The following ATP13A3 variants were observed in gnomAD, a reference collection of about 807,000 sequenced individuals.
ATP13A3 encodes polyamine-transporting ATPase 13A3.
Under a neutral mutation model 158.1 loss-of-function variants are expected in ATP13A3, and 59 were observed. That is an observed-to-expected ratio of 0.37 (90% confidence interval 0.30 to 0.46). ATP13A3 has a LOEUF of 0.46. Ranked by LOEUF, ATP13A3 falls within the 20% of genes least tolerant of loss-of-function variation. ATP13A3 has a pLI of 1.00. For missense variants in ATP13A3, 1,166 were observed against 1,525.2 expected, an observed-to-expected ratio of 0.76 and a Z score of 3.92; for synonymous variants, 491 against 504.3, an observed-to-expected ratio of 0.97 and a Z score of 0.35.
At chr3:194,468,519 G>A (rs1433135404) in intron 2 of ATP13A3, among the ~76,000 whole-genome samples, 1 of 151,718 alleles carries the variant, frequency 6.6e-6, no homozygotes, top group Non-Finnish European at 1.5e-5. Flanking sequence ...AACAATTAAA[G>A]TATACTATTT....
At chr3:194,478,617 G>C (rs1259217514) in intron 2 of ATP13A3, among the ~76,000 whole-genome samples, 1 of 152,148 alleles carries the variant, frequency 6.6e-6, no homozygotes, top group Non-Finnish European at 1.5e-5. Flanking sequence ...GGTTTAGAAG[G>C]ATAGGACAGG....
At chr3:194,450,366 C>G in intron 10 of ATP13A3, 90 bp from the exon 11 acceptor site, 1 of 1,264,954 alleles carries the variant, frequency 7.9e-7, no homozygotes, top group Non-Finnish European at 1.1e-6. Context: ...CATCTGATCT[C>G]AATAAGAAGT....
At chr3:194,421,819 C>T (rs993527668) in intron 30 of ATP13A3, among the ~76,000 whole-genome samples, 3 of 151,484 alleles carry the variant, frequency 2.0e-5, no homozygotes, top group Non-Finnish European at 2.9e-5. Flanking sequence ...GAGAGAAACA[C>T]GGAGACTAAA....
At chr3:194,490,097 T>C (rs139198928), upstream of ATP13A3, among the ~76,000 whole-genome samples, 320 of 152,266 alleles carry the variant, frequency 2.1e-3, 1 homozygote, top group African/African-American at 7.4e-3. The surrounding 1 kb of genome is among the most constrained non-coding windows in gnomAD (Gnocchi z 4.4). Flanking sequence ...TTGCATCTTC[T>C]TCATCCTCAA....
chr3:194,468,688 G>A (rs1436242392), intron 2 of ATP13A3, among the ~76,000 whole-genome samples: 1 of 152,118 alleles, frequency 6.6e-6, no homozygotes, highest in Non-Finnish European at 1.5e-5. Flanking sequence ...GGAGAGTGTT[G>A]AATTTTTTTA....
rs1301502443 is a variant in ATP13A3 at position 194,427,640 on chromosome 3, A to T, written c.2948-388T>A. ...ATAGTGAAACCCCATCTCTACAATA[A>T]ATAAATAAATAAATAAATAAATAAA... On this transcript the variant is annotated intron_variant, in intron 28 of 33. Coordinates refer to ENST00000645319, the MANE Select transcript of ATP13A3 (RefSeq NM_001367549.1). 7.2e-4 allele frequency among the ~76,000 whole-genome samples: 7 copies of T among 9,660 alleles called. No individual in the cohort carries two copies. In the African/African-American group the frequency reaches 9.6e-3, roughly 13 times the overall value. 6.3% of individuals were successfully genotyped at this position (9,660 alleles called of 152,430 possible). A position where few individuals can be genotyped will look rare whatever the true frequency, so the allele number is the denominator to read the frequency against.
chr3:194,451,210 T>G (rs1718784417), intron 10 of ATP13A3: 1 of 152,202 alleles, frequency 6.6e-6, no homozygotes, highest in Non-Finnish European at 1.5e-5. Flanking sequence ...GGGAACAACT[T>G]TTAAAGAATG....
intron 17 of ATP13A3, among the ~76,000 whole-genome samples, chr3:194,438,139 G>A (rs1201476351): frequency 6.6e-6 from 1 of 152,160 alleles, no homozygotes; most frequent in Non-Finnish European, 1.5e-5. Context: ...CAGCCGGGGT[G>A]ACAGAGCGAG....
At chr3:194,484,103 G>C (rs965218878) in intron 2 of ATP13A3, among the ~76,000 whole-genome samples, 1 of 152,184 alleles carries the variant, frequency 6.6e-6, no homozygotes, top group Admixed American at 6.5e-5. Flanking sequence ...CTGAGGTTCA[G>C]AGATGTTATG....
intron 7 of ATP13A3, among the ~76,000 whole-genome samples, chr3:194,456,678 C>T (rs778079336): frequency 3.9e-5 from 6 of 152,158 alleles, no homozygotes; most frequent in South Asian, 2.1e-4. Context: ...TCTTTCATTA[C>T]GGTGAATTTG....
intron 31 of ATP13A3, among the ~76,000 whole-genome samples, chr3:194,415,413 T>C (rs942644188): frequency 6.6e-6 from 1 of 152,076 alleles, no homozygotes; most frequent in East Asian, 1.9e-4. Context: ...GAGAGAAATA[T>C]AATGCATTTT....
chr3:194,441,022 T>A lies in ATP13A3; in HGVS notation c.1710+289A>T, dbSNP rs1718018192. On this transcript the variant is annotated intron_variant, in intron 16 of 33. Transcript: ENST00000645319. ...GTTGAGATCATCTTACTGGCTCTGCTCTACCCTCCCCAAGTTGCTGACCCC... is the reference window on the plus strand; with the variant it reads ...GTTGAGATCATCTTACTGGCTCTGCACTACCCTCCCCAAGTTGCTGACCCC... Among the ~76,000 whole-genome samples, 2 of 152,222 alleles carry A rather than the reference T, an allele frequency of 1.3e-5. 1 individual carries two copies. Among genetic ancestry groups the A allele is most frequent in the South Asian group, 4.1e-4 (2 of 4,830 alleles).
intron 2 of ATP13A3, chr3:194,468,291 C>G (rs1196546917): frequency 1.3e-5 from 2 of 149,702 alleles, no homozygotes; most frequent in African/African-American, 5.0e-5. Flanking sequence ...ATGCCTGAGT[C>G]TTGATGTTAT....
intron 8 of ATP13A3, among the ~76,000 whole-genome samples, chr3:194,455,541 T>C (rs1237646978): frequency 6.6e-6 from 1 of 152,184 alleles, no homozygotes; most frequent in Non-Finnish European, 1.5e-5. Context: ...TAAGCAACAT[T>C]ACATGGCCAC....
chr3:194,406,325 G>A (rs774334920), intron 33 of ATP13A3, among the ~76,000 whole-genome samples: 16 of 152,188 alleles, frequency 1.1e-4, no homozygotes, highest in South Asian at 2.1e-4. Context: ...AGCATCTTGG[G>A]AGGTCGAGGT....
At chr3:194,410,336 T>C (rs1715311442) in intron 33 of ATP13A3, among the ~76,000 whole-genome samples, 1 of 81,126 alleles carries the variant, frequency 1.2e-5, no homozygotes, top group Non-Finnish European at 2.7e-5. Context: ...AAAAAACTGC[T>C]GGGCCTGGGA....
intron 2 of ATP13A3, among the ~76,000 whole-genome samples, chr3:194,479,755 T>C (rs1457658195): frequency 6.6e-6 from 1 of 151,850 alleles, no homozygotes; most frequent in Admixed American, 6.6e-5. Context: ...ATAATGCATA[T>C]AAAGTCCTAT....
At chr3:194,462,002 A>C (rs1386494439) in intron 3 of ATP13A3, 138 bp downstream of exon 3, 1 of 750,814 alleles carries the variant, frequency 1.3e-6, no homozygotes, top group Non-Finnish European at 2.2e-6. Flanking sequence ...CCAATTCAAA[A>C]GCACAGGATG....
chr3:194,441,845 G>A (rs527609152), intron 15 of ATP13A3, among the ~76,000 whole-genome samples: 3 of 152,124 alleles, frequency 2.0e-5, no homozygotes, highest in South Asian at 4.1e-4. Context: ...AAGGGCAGAT[G>A]AGAAAAAATT....
Sources: allele counts gnomAD v4.1 joint callset (sites outside exome capture counted in the v4.1 genomes callset), GRCh38; gene constraint gnomAD v4.1.1; non-coding constraint Gnocchi (gnomAD v3.1); transcripts MANE v1.5; gene names NCBI Gene and HGNC (gene_info 2026-07-23, HGNC 2026-07-21).